The following RAB3GAP2 variants were observed in gnomAD, a reference collection of about 807,000 sequenced individuals.
RAB3GAP2 encodes RAB3 GTPase activating non-catalytic protein subunit 2.
RAB3GAP2 carries 87 observed loss-of-function variants against 185.3 expected under a neutral mutation model. That is an observed-to-expected ratio of 0.47 (90% CI 0.39 to 0.56). The LOEUF (loss-of-function observed/expected upper bound fraction) is 0.56. Among genes scored for constraint, RAB3GAP2 ranks in the 20% least tolerant of loss-of-function variants. The probability of loss-of-function intolerance (pLI) is 0.00; values close to 1 mark genes in which losing one functional copy is unlikely to be tolerated. For synonymous variants in RAB3GAP2, 554 were observed against 576.1 expected, an observed-to-expected ratio of 0.96 and a Z score of 0.55; for missense variants, 1,492 against 1,638.2, an observed-to-expected ratio of 0.91 and a Z score of 1.54.
intron 7 of RAB3GAP2, among the ~76,000 whole-genome samples, chr1:220,209,818 G>A (rs1051058267): frequency 6.6e-6 from 1 of 152,148 alleles, no homozygotes; most frequent in Non-Finnish European, 1.5e-5. Flanking sequence ...TGGTTTAAAT[G>A]GCCCTACAAT....
chr1:220,172,768 A>G, intron 21 of RAB3GAP2, 26 bp from the exon 22 acceptor site: 2 of 1,522,008 alleles, frequency 1.3e-6, no homozygotes, highest in Non-Finnish European at 1.8e-6. Flanking sequence ...AATCTTTTTC[A>G]GTCTAAAAAA....
At chr1:220,236,781 T>A (rs566419649) in intron 1 of RAB3GAP2, among the ~76,000 whole-genome samples, 1 of 152,204 alleles carries the variant, frequency 6.6e-6, no homozygotes, top group Non-Finnish European at 1.5e-5. Flanking sequence ...TCTGGTAACC[T>A]TTCCAAGAAG....
At chr1:220,230,255 CAT>C (rs1241602067) in intron 2 of RAB3GAP2, among the ~76,000 whole-genome samples, 1 of 152,208 alleles carries the variant, frequency 6.6e-6, no homozygotes, top group Non-Finnish European at 1.5e-5. Flanking sequence ...AAAATCTTCA[CAT>C]GAGCTCTGAA....
intron 1 of RAB3GAP2, among the ~76,000 whole-genome samples, chr1:220,241,010 C>A (rs944564912): frequency 2.6e-5 from 4 of 151,950 alleles, no homozygotes; most frequent in Non-Finnish European, 2.9e-5. Context: ...ATAAATGAAA[C>A]CTTCAAACCA....
At chr1:220,254,902 G>A (rs1317604067) in intron 1 of RAB3GAP2, among the ~76,000 whole-genome samples, 1 of 148,836 alleles carries the variant, frequency 6.7e-6, no homozygotes, top group East Asian at 1.9e-4. Flanking sequence ...GATTCCTAGT[G>A]CCAAAGGTTC....
intron 1 of RAB3GAP2, among the ~76,000 whole-genome samples, chr1:220,237,035 C>T (rs1335224645): frequency 1.3e-5 from 2 of 152,106 alleles, no homozygotes; most frequent in African/African-American, 4.8e-5. Flanking sequence ...ATGATTGTTT[C>T]TTAGAAGAAT....
At chr1:220,209,616 C>T (rs1320444005) in intron 7 of RAB3GAP2, among the ~76,000 whole-genome samples, 1 of 151,998 alleles carries the variant, frequency 6.6e-6, no homozygotes, top group Non-Finnish European at 1.5e-5. Flanking sequence ...AGATTTTAAT[C>T]CTAGTCTCTC....
intron 2 of RAB3GAP2, among the ~76,000 whole-genome samples, chr1:220,214,953 T>TATATAC (rs1659160412): frequency 8.5e-6 from 1 of 118,076 alleles, no homozygotes. Flanking sequence ...GCATTATATA[T>TATATAC]ATATATATAT....
At chr1:220,161,552 T>A (rs1258627463) in intron 28 of RAB3GAP2, among the ~76,000 whole-genome samples, 1 of 152,188 alleles carries the variant, frequency 6.6e-6, no homozygotes, top group African/African-American at 2.4e-5. Context: ...AAGCTACTCA[T>A]GCTGGTTGTA....
rs769363097 is a variant in RAB3GAP2 at position 220,164,806 on chromosome 1, T to C, written c.3088-7A>G. 6.2e-7 allele frequency: 1 copy of C among 1,605,444 alleles called. No homozygotes were observed. Among genetic ancestry groups the C allele is most frequent in the South Asian group, 1.1e-5 (1 of 89,908 alleles). On this transcript the variant is annotated splice_region_variant and splice_polypyrimidine_tract_variant and intron_variant, in intron 26 of 34. Transcript: ENST00000358951. ...TAACAAAAAAACGTGCTTCCTTACATACAGGGAGAAAAAAACGAGAAAGAA... is the reference window on the plus strand; with the variant it reads ...TAACAAAAAAACGTGCTTCCTTACACACAGGGAGAAAAAAACGAGAAAGAA...
chr1:220,212,031 T>C (rs1018766245), intron 4 of RAB3GAP2, among the ~76,000 whole-genome samples: 88 of 152,298 alleles, frequency 5.8e-4, no homozygotes, highest in African/African-American at 2.0e-3. Flanking sequence ...CAGTTTTGAG[T>C]CATAAAGATT....
At chr1:220,248,906 G>C (rs1259078838) in intron 1 of RAB3GAP2, among the ~76,000 whole-genome samples, 1 of 152,148 alleles carries the variant, frequency 6.6e-6, no homozygotes, top group Non-Finnish European at 1.5e-5. Context: ...ATGTGAAGAA[G>C]GACATGTTTG....
intron 1 of RAB3GAP2, among the ~76,000 whole-genome samples, chr1:220,243,555 G>A (rs150081364): frequency 8.0e-4 from 122 of 152,176 alleles, no homozygotes; most frequent in African/African-American, 2.8e-3. Flanking sequence ...TCGGACCCAC[G>A]CAGGCTAGCT....
chr1:220,175,257 C>T (rs1316801251), intron 21 of RAB3GAP2, among the ~76,000 whole-genome samples: 1 of 151,744 alleles, frequency 6.6e-6, no homozygotes, highest in Non-Finnish European at 1.5e-5. Flanking sequence ...GACAGAGTCT[C>T]ACTCTGTTAT....
chr1:220,188,104 GAAA>G (rs201924459), intron 17 of RAB3GAP2, among the ~76,000 whole-genome samples: 1 of 135,180 alleles, frequency 7.4e-6, no homozygotes. Context: ...TGGTGTGTGG[GAAA>G]AAAAAAAAAA....
intron 1 of RAB3GAP2, among the ~76,000 whole-genome samples, chr1:220,236,701 A>T (rs1659597606): frequency 6.6e-6 from 1 of 152,056 alleles, no homozygotes; most frequent in Non-Finnish European, 1.5e-5. Flanking sequence ...ATATATTGAG[A>T]AAATAGCTGA....
intron 1 of RAB3GAP2, among the ~76,000 whole-genome samples, chr1:220,254,914 A>C (rs528872086): frequency 8.4e-4 from 125 of 148,812 alleles, no homozygotes; most frequent in African/African-American, 3.0e-3. Flanking sequence ...CAAAGGTTCA[A>C]TTCAGTGTAT....
At position 220,185,706 on chromosome 1, in the gene RAB3GAP2, T is replaced by C. The variant is rs781426488; in HGVS notation, c.1815A>G (p.Pro605=). ...LESILASERL[P]FSCLRNITQT... ...GAGTGATGTTTCTAAGGCAAGAAAA[T>C]GGTAAACGTTCACTTGCCAAAATGC... Residue 605 remains proline (P), a synonymous_variant, in exon 18 of 35, where the codon CCA becomes CCG. Transcript: ENST00000358951. The C allele has an allele frequency of 2.6e-5, 42 of 1,612,484 alleles. No individual in the cohort carries two copies. Among genetic ancestry groups the C allele is most frequent in the Non-Finnish European group, 3.4e-5 (40 of 1,179,006 alleles).
At chr1:220,248,563 T>C (rs1659862021) in intron 1 of RAB3GAP2, among the ~76,000 whole-genome samples, 1 of 151,992 alleles carries the variant, frequency 6.6e-6, no homozygotes, top group African/African-American at 2.4e-5. Context: ...CCCAAATTAA[T>C]ATATAAACTT....
Sources: allele counts gnomAD v4.1 joint callset (sites outside exome capture counted in the v4.1 genomes callset), GRCh38; gene constraint gnomAD v4.1.1; transcripts MANE v1.5; gene names NCBI Gene and HGNC (gene_info 2026-07-23, HGNC 2026-07-21).